RAP1GDS1: variants seen among roughly 807,000 people sequenced by gnomAD.
The protein encoded by RAP1GDS1 is RAP1, GTP-GDP dissociation stimulator 1.
A neutral mutation model predicts 71.1 loss-of-function variants in RAP1GDS1; 35 were observed. The ratio of observed to expected loss-of-function variants is 0.49; its 90% CI spans 0.38 to 0.65. The LOEUF (loss-of-function observed/expected upper bound fraction) is 0.65. Among genes scored for constraint, RAP1GDS1 ranks in the 30% least tolerant of loss-of-function variants. The pLI, the probability that RAP1GDS1 is intolerant of heterozygous loss-of-function variation, is 0.00. For missense variants in RAP1GDS1, 663 were observed against 706.1 expected (o/e 0.94, Z 0.69); for synonymous variants, 229 against 243.1 (o/e 0.94, Z 0.54).
At chr4:98,264,912 G>C (rs1722520674) in intron 1 of RAP1GDS1, among the ~76,000 whole-genome samples, 1 of 152,178 alleles carries the variant, frequency 6.6e-6, no homozygotes, top group African/African-American at 2.4e-5. Context: ...AGAGCAAAAG[G>C]TAAGGAAATA....
intron 1 of RAP1GDS1, among the ~76,000 whole-genome samples, chr4:98,266,944 A>G (rs888836370): frequency 6.6e-6 from 1 of 152,204 alleles, no homozygotes; most frequent in Non-Finnish European, 1.5e-5. Flanking sequence ...TATTGGTGGC[A>G]CTAACAACAG....
chr4:98,435,379 A>G (rs1032395724), intron 13 of RAP1GDS1, among the ~76,000 whole-genome samples: 4 of 152,226 alleles, frequency 2.6e-5, no homozygotes, highest in African/African-American at 9.6e-5. Context: ...GTGAACATAT[A>G]TTTTGTATAT....
At chr4:98,437,212 A>G (rs2110224693) in intron 14 of RAP1GDS1, 144 bp downstream of exon 14, 1 of 814,368 alleles carries the variant, frequency 1.2e-6, no homozygotes, top group Non-Finnish European at 1.7e-6. Flanking sequence ...TTTTTCCCCT[A>G]TTACTGTAAA....
chr4:98,316,298 GGTTTAAAAAAT>G (rs963504107), intron 2 of RAP1GDS1, among the ~76,000 whole-genome samples: 13 of 152,170 alleles, frequency 8.5e-5, no homozygotes, highest in Non-Finnish European at 1.3e-4. Flanking sequence ...TTTTCAATGA[GGTTTAAAAAAT>G]GTTTAATAAG....
At chr4:98,262,285 A>G (rs1322557431) in intron 1 of RAP1GDS1, among the ~76,000 whole-genome samples, 1 of 152,068 alleles carries the variant, frequency 6.6e-6, no homozygotes, top group Non-Finnish European at 1.5e-5. Flanking sequence ...GTAGCAGGAA[A>G]CTGCGCCCTG....
intron 2 of RAP1GDS1, among the ~76,000 whole-genome samples, chr4:98,319,578 C>T (rs995973558): frequency 6.6e-6 from 1 of 151,842 alleles, no homozygotes; most frequent in Admixed American, 6.6e-5. Context: ...GTCAGGAGTT[C>T]AAGACCAGAC....
chr4:98,356,596 C>T (rs1738007599), intron 4 of RAP1GDS1, among the ~76,000 whole-genome samples: 1 of 151,630 alleles, frequency 6.6e-6, no homozygotes, highest in South Asian at 2.1e-4. Flanking sequence ...TTTTATACAC[C>T]GAGGAAGAAT....
intron 4 of RAP1GDS1, among the ~76,000 whole-genome samples, chr4:98,378,442 A>T (rs891105693): frequency 3.9e-5 from 6 of 152,062 alleles, no homozygotes; most frequent in Non-Finnish European, 7.4e-5. Flanking sequence ...TCTGGACTAT[A>T]GGAAATGCCA....
At chr4:98,409,100 A>G (rs1375645776) in intron 7 of RAP1GDS1, among the ~76,000 whole-genome samples, 3 of 152,222 alleles carry the variant, frequency 2.0e-5, no homozygotes, top group African/African-American at 7.2e-5. Context: ...GTGATTATGC[A>G]TATTTAATTC....
intron 12 of RAP1GDS1, among the ~76,000 whole-genome samples, chr4:98,423,248 A>G (rs1165866846): frequency 6.6e-6 from 1 of 152,232 alleles, no homozygotes; most frequent in Non-Finnish European, 1.5e-5. Context: ...GGAAAGGGAA[A>G]GAGAATGAAG....
chr4:98,349,317 T>C (rs1239554951), intron 3 of RAP1GDS1, among the ~76,000 whole-genome samples: 6 of 152,190 alleles, frequency 3.9e-5, no homozygotes, highest in Admixed American at 3.9e-4. Context: ...TTCTGTTCCA[T>C]TGGTCTAGCT....
At chr4:98,379,657 A>T (rs1305621706) in intron 5 of RAP1GDS1, among the ~76,000 whole-genome samples, 1 of 151,946 alleles carries the variant, frequency 6.6e-6, no homozygotes, top group African/African-American at 2.4e-5. Context: ...ATTATTGTAA[A>T]CAGCAGTTTC....
intron 7 of RAP1GDS1, among the ~76,000 whole-genome samples, chr4:98,406,746 T>C (rs1746172394): frequency 6.6e-6 from 1 of 152,076 alleles, no homozygotes; most frequent in Non-Finnish European, 1.5e-5. Context: ...ATACTTGTCA[T>C]GAAAGAAAGA....
At chr4:98,368,345 G>T (rs143411433) in intron 4 of RAP1GDS1, among the ~76,000 whole-genome samples, 1 of 152,088 alleles carries the variant, frequency 6.6e-6, no homozygotes, top group African/African-American at 2.4e-5. Context: ...TATCAGCAGC[G>T]TGAAAACAAA....
rs1752138447 is a variant in RAP1GDS1 at position 98,443,693 on chromosome 4, G to A, written c.*1576G>A. 1 of 202,322 alleles carries A rather than the reference G, an allele frequency of 4.9e-6. No homozygotes were observed. Among genetic ancestry groups the A allele is most frequent in the Non-Finnish European group, 1.0e-5 (1 of 98,586 alleles). 12.5% of individuals were successfully genotyped at this position (202,322 alleles called of 1,614,324 possible). A position where few individuals can be genotyped will look rare whatever the true frequency, so the allele number is the denominator to read the frequency against. On this transcript the variant is annotated 3_prime_UTR_variant, in exon 15 of 15. Transcript: ENST00000408927. ...TTGTTCCCTTTGATGTCCAAATAAG[G>A]GAACTATTGTGAGTACGTATGCTAC...
intron 2 of RAP1GDS1, among the ~76,000 whole-genome samples, chr4:98,299,674 G>A (rs1301235106): frequency 6.0e-5 from 9 of 149,082 alleles, no homozygotes; most frequent in African/African-American, 1.2e-4. Flanking sequence ...TCACTCTGTC[G>A]CCCAGGCTGG....
chr4:98,356,672 T>A (rs12503806), intron 4 of RAP1GDS1, among the ~76,000 whole-genome samples: 21,509 of 152,064 alleles, frequency 0.14, 2,223 homozygotes, highest in African/African-American at 0.28. Flanking sequence ...AAATAAAATG[T>A]ATGCTTATTA....
intron 7 of RAP1GDS1, chr4:98,409,676 C>A: frequency 5.4e-6 from 2 of 369,336 alleles, no homozygotes; most frequent in South Asian, 5.3e-5. Flanking sequence ...AAGCAACAGT[C>A]TGTTCCACCT....
chr4:98,313,268 A>G (rs764049136), intron 2 of RAP1GDS1, among the ~76,000 whole-genome samples: 1 of 152,006 alleles, frequency 6.6e-6, no homozygotes, highest in African/African-American at 2.4e-5. Context: ...CAGTTCTTCA[A>G]CTGATAGGGC....
Sources: allele counts gnomAD v4.1 joint callset (sites outside exome capture counted in the v4.1 genomes callset), GRCh38; gene constraint gnomAD v4.1.1; transcripts MANE v1.5; gene names NCBI Gene and HGNC (gene_info 2026-07-23, HGNC 2026-07-21).